MAGI1: variants seen among roughly 807,000 people sequenced by gnomAD.
MAGI1 encodes membrane associated guanylate kinase, WW and PDZ domain containing 1, also known as membrane-associated guanylate kinase, WW and PDZ domain-containing protein 1.
A neutral mutation model predicts 139.9 loss-of-function variants in MAGI1; 58 were observed. The ratio of observed to expected loss-of-function variants is 0.41; its 90% confidence interval spans 0.34 to 0.52. The LOEUF (loss-of-function observed/expected upper bound fraction) is 0.52. Among genes scored for constraint, MAGI1 ranks in the 20% least tolerant of loss-of-function variants. The pLI, the probability that MAGI1 is intolerant of heterozygous loss-of-function variation, is 0.12. For missense variants in MAGI1, 1,874 were observed against 1,901.6 expected (o/e 0.99, Z 0.27); for synonymous variants, 812 against 737.9 (o/e 1.10, Z -1.63).
intron 1 of MAGI1, among the ~76,000 whole-genome samples, chr3:65,931,774 A>T (rs1267593540): frequency 6.6e-6 from 1 of 152,216 alleles, no homozygotes; most frequent in African/African-American, 2.4e-5. Context: ...AAAACCTGCC[A>T]TTACATGTGG....
Position 65,505,937 on chromosome 3 carries a change from A to G in MAGI1, c.431-12306T>C, listed in dbSNP as rs1301760783. Among the ~76,000 whole-genome samples the G allele has an allele frequency of 3.3e-5, 5 of 152,150 alleles. No individual in the cohort carries two copies. In the East Asian group the frequency reaches 7.7e-4, roughly 23 times the overall value. On this transcript the variant is annotated intron_variant, in intron 2 of 22. Transcript: ENST00000402939. ...AGCTGAGGCATTGTTACATTTCCAT[A>G]AATAATAATAAATAGTATAATTTAC...
intron 1 of MAGI1, among the ~76,000 whole-genome samples, chr3:65,741,955 G>A (rs976701987): frequency 6.6e-6 from 1 of 152,146 alleles, no homozygotes; most frequent in Non-Finnish European, 1.5e-5. Flanking sequence ...ACAGCCTAAT[G>A]AGGACAGCAT....
At chr3:65,863,434 G>A (rs1489548233) in intron 1 of MAGI1, among the ~76,000 whole-genome samples, 1 of 152,062 alleles carries the variant, frequency 6.6e-6, no homozygotes, top group Non-Finnish European at 1.5e-5. Context: ...TGTTGTATAG[G>A]GTAAATTTAA....
At position 65,654,534 on chromosome 3, in the gene MAGI1, T is replaced by A. The variant is rs530522916; in HGVS notation, c.314-32446A>T. ...CTGCCAGCACTTTCAAATAGAAGATTCCATGAATATTAAAAGCTTCAAATT... is the reference window on the plus strand; with the variant it reads ...CTGCCAGCACTTTCAAATAGAAGATACCATGAATATTAAAAGCTTCAAATT... On this transcript the variant is annotated intron_variant, in intron 1 of 22. Transcript: ENST00000402939. Among the ~76,000 whole-genome samples the A allele has an allele frequency of 2.0e-5, 3 of 152,278 alleles. No homozygotes were observed. In the South Asian group the frequency reaches 6.2e-4, roughly 32 times the overall value.
intron 1 of MAGI1, among the ~76,000 whole-genome samples, chr3:65,916,670 G>C (rs549505648): frequency 2.0e-5 from 3 of 151,972 alleles, no homozygotes; most frequent in Non-Finnish European, 4.4e-5. Context: ...ATTTGGGTGG[G>C]GACACAGCCA....
intron 2 of MAGI1, among the ~76,000 whole-genome samples, chr3:65,612,688 C>A (rs957090095): frequency 2.6e-5 from 4 of 152,094 alleles, no homozygotes; most frequent in Non-Finnish European, 4.4e-5. Flanking sequence ...TACACACAAT[C>A]CACTATAGAA....
chr3:65,892,028 T>C (rs71306788), intron 1 of MAGI1, among the ~76,000 whole-genome samples: 2,748 of 149,190 alleles, frequency 0.018, 38 homozygotes, highest in Non-Finnish European at 0.029. Context: ...CCTCCCATAT[T>C]GTTCTAAATA....
intron 1 of MAGI1, among the ~76,000 whole-genome samples, chr3:66,002,249 G>A (rs1184154006): frequency 6.6e-6 from 1 of 152,174 alleles, no homozygotes; most frequent in Non-Finnish European, 1.5e-5. Context: ...ACGTCTGGAT[G>A]GGGAGGGGAG....
At chr3:65,948,853 C>T (rs770524813) in intron 1 of MAGI1, among the ~76,000 whole-genome samples, 21 of 152,152 alleles carry the variant, frequency 1.4e-4, no homozygotes, top group Non-Finnish European at 2.4e-4. Context: ...GGCACGAAGA[C>T]GATGCTGCAG....
chr3:65,555,898 C>A (rs1576308343), intron 2 of MAGI1, among the ~76,000 whole-genome samples: 10 of 152,174 alleles, frequency 6.6e-5, no homozygotes, highest in Admixed American at 5.9e-4. Flanking sequence ...TGATACAGAG[C>A]CTGATGGAAA....
chr3:65,749,327 TC>T (rs2035954472), intron 1 of MAGI1, among the ~76,000 whole-genome samples: 1 of 152,198 alleles, frequency 6.6e-6, no homozygotes, highest in Admixed American at 6.5e-5. Context: ...GTGATGTGAT[TC>T]TATGTAAAAC....
intron 4 of MAGI1, among the ~76,000 whole-genome samples, chr3:65,474,355 G>C (rs973904040): frequency 2.0e-5 from 3 of 152,180 alleles, no homozygotes; most frequent in African/African-American, 4.8e-5. Flanking sequence ...TGAATCCAAA[G>C]AGGACAGGTA....
intron 1 of MAGI1, among the ~76,000 whole-genome samples, chr3:65,963,967 T>C (rs753091656): frequency 2.6e-5 from 4 of 152,232 alleles, no homozygotes; most frequent in Non-Finnish European, 5.9e-5. Flanking sequence ...GGGAAATGAC[T>C]AAGCCAAGCT....
At chr3:65,545,152 A>G (rs763496319) in intron 2 of MAGI1, among the ~76,000 whole-genome samples, 2 of 152,192 alleles carry the variant, frequency 1.3e-5, no homozygotes, top group Admixed American at 6.5e-5. Flanking sequence ...GCATCCCCTC[A>G]TAATGCGTCA....
At chr3:65,976,760 T>C (rs1262461117) in intron 1 of MAGI1, among the ~76,000 whole-genome samples, 1 of 152,228 alleles carries the variant, frequency 6.6e-6, no homozygotes, top group African/African-American at 2.4e-5. Flanking sequence ...CAAGAATTAA[T>C]CGAAACACAC....
chr3:65,640,384 A>C (rs2084920256), intron 1 of MAGI1, among the ~76,000 whole-genome samples: 1 of 152,192 alleles, frequency 6.6e-6, no homozygotes, highest in Non-Finnish European at 1.5e-5. Flanking sequence ...TAAATGAATA[A>C]GTTGGATTCG....
chr3:65,389,900 G>A (rs1383558197), intron 14 of MAGI1, among the ~76,000 whole-genome samples: 1 of 152,200 alleles, frequency 6.6e-6, no homozygotes, highest in African/African-American at 2.4e-5. Context: ...AGCCCTGAGT[G>A]ACTCCTAACA....
chr3:65,713,045 A>G (rs2031700645), intron 1 of MAGI1, among the ~76,000 whole-genome samples: 1 of 152,200 alleles, frequency 6.6e-6, no homozygotes, highest in Admixed American at 6.5e-5. Flanking sequence ...GACCCTAAAT[A>G]CAGCCTAAGC....
intron 1 of MAGI1, among the ~76,000 whole-genome samples, chr3:65,960,417 G>A (rs1472958261): frequency 1.3e-5 from 2 of 152,108 alleles, no homozygotes; most frequent in African/African-American, 4.8e-5. Context: ...CCTCACCAGG[G>A]TTTTGACATC....
Sources: allele counts gnomAD v4.1 joint callset (sites outside exome capture counted in the v4.1 genomes callset), GRCh38; gene constraint gnomAD v4.1.1; transcripts MANE v1.5; gene names NCBI Gene and HGNC (gene_info 2026-07-23, HGNC 2026-07-21).